The following TBC1D8 variants were observed in gnomAD, a reference collection of about 807,000 sequenced individuals.
The protein encoded by TBC1D8 is BUB2-like protein 1.
A neutral mutation model predicts 118.8 loss-of-function variants in TBC1D8; 65 were observed. That is an observed-to-expected ratio of 0.55 (90% CI 0.45 to 0.67). The LOEUF is 0.67. Among genes scored for constraint, TBC1D8 ranks in the 30% least tolerant of loss-of-function variants. The pLI is 0.00. For synonymous variants in TBC1D8, 566 were observed against 595.8 expected (o/e 0.95, Z 0.73); for missense variants, 1,376 against 1,471.2 (o/e 0.94, Z 1.06).
intron 1 of TBC1D8, among the ~76,000 whole-genome samples, chr2:101,145,291 A>G (rs960716304): frequency 2.0e-5 from 3 of 152,246 alleles, no homozygotes; most frequent in East Asian, 1.9e-4. Flanking sequence ...CCCTAAAGAT[A>G]TATCAGTTAT....
intron 9 of TBC1D8, among the ~76,000 whole-genome samples, chr2:101,034,451 G>A (rs1396230241): frequency 6.6e-6 from 1 of 152,210 alleles, no homozygotes; most frequent in Non-Finnish European, 1.5e-5. Context: ...GCGCCCACAT[G>A]CAACTCTGAA....
At chr2:101,121,421 G>A (rs879351850) in intron 1 of TBC1D8, among the ~76,000 whole-genome samples, 2 of 152,220 alleles carry the variant, frequency 1.3e-5, no homozygotes, top group African/African-American at 2.4e-5. Flanking sequence ...GGGAGGCTCT[G>A]TAGCTGCTAC....
chr2:101,124,137 T>C (rs1678249950), intron 1 of TBC1D8, among the ~76,000 whole-genome samples: 1 of 152,062 alleles, frequency 6.6e-6, no homozygotes, highest in Admixed American at 6.6e-5. Flanking sequence ...AGCACTTCCC[T>C]CCCACTGCCA....
intron 1 of TBC1D8, among the ~76,000 whole-genome samples, chr2:101,133,758 T>C (rs1678703334): frequency 6.6e-6 from 1 of 152,132 alleles, no homozygotes; most frequent in Non-Finnish European, 1.5e-5. Context: ...CTGCTATTAA[T>C]ATAAAGAACT....
chr2:101,143,417 A>G (rs7604060), intron 1 of TBC1D8, among the ~76,000 whole-genome samples: 1,538 of 152,342 alleles, frequency 0.01, 23 homozygotes, highest in African/African-American at 0.034. Flanking sequence ...AAAATCCAGT[A>G]GAATGAAAGA....
intron 2 of TBC1D8, among the ~76,000 whole-genome samples, chr2:101,073,300 A>ATTTTTTTTTTTTTT (rs34252571): frequency 1.4e-5 from 2 of 143,648 alleles, no homozygotes; most frequent in African/African-American, 5.3e-5. Flanking sequence ...TATTTTATTT[A>ATTTTTTTTTTTTTT]TTTTTTTTTT....
intron 19 of TBC1D8, among the ~76,000 whole-genome samples, chr2:101,009,856 C>T (rs1228620808): frequency 6.8e-6 from 1 of 147,172 alleles, no homozygotes; most frequent in Non-Finnish European, 1.5e-5. Context: ...GAGTCTCGCT[C>T]TGTCGCCCAG....
rs1680030353 is a variant in TBC1D8 at position 101,021,584 on chromosome 2, G to A, written c.2827+97C>T. 4.6e-6 allele frequency: 4 copies of A among 874,110 alleles called. No individual in the cohort carries two copies. The South Asian group carries it at 6.7e-5, about 15-fold the overall frequency. The allele number at this position is 874,110 out of a possible 1,614,324, so 54.1% of individuals were successfully genotyped here. A position where few individuals can be genotyped will look rare whatever the true frequency, so the allele number is the denominator to read the frequency against. ...GAAACACCTGTTGCCTCAAGCATAA[G>A]TGAACTTTAAAAAGAGAAGAGCTTC... On this transcript the variant is annotated intron_variant, in intron 17 of 19. Coordinates refer to ENST00000409318, the MANE Select transcript of TBC1D8 (RefSeq NM_001330348.2).
intron 1 of TBC1D8, among the ~76,000 whole-genome samples, chr2:101,118,492 C>G (rs567139871): frequency 1.9e-4 from 28 of 149,820 alleles, no homozygotes; most frequent in South Asian, 4.2e-4. Flanking sequence ...GTCAGGAGAT[C>G]GAGACCATCC....
intron 1 of TBC1D8, among the ~76,000 whole-genome samples, chr2:101,143,708 C>T (rs150598492): frequency 5.8e-4 from 89 of 152,252 alleles, no homozygotes; most frequent in African/African-American, 1.6e-3. Flanking sequence ...TACAGGCACA[C>T]GCCACCATGC....
At chr2:101,091,710 G>A (rs576453437) in intron 1 of TBC1D8, among the ~76,000 whole-genome samples, 3 of 152,112 alleles carry the variant, frequency 2.0e-5, no homozygotes, top group Non-Finnish European at 2.9e-5. Context: ...GGGAGACAGA[G>A]CAGGACCTCA....
rs1242227436 is a variant in TBC1D8, at chr2:101,007,284, T to G, written c.*537A>C. The G allele has an allele frequency of 1.3e-5, 2 of 152,534 alleles. No individual in the cohort carries two copies. The highest frequency in any genetic ancestry group is 2.9e-5 in the Non-Finnish European group (2 of 68,312). 9.4% of individuals were successfully genotyped at this position (152,534 alleles called of 1,614,324 possible). On this transcript the variant is annotated 3_prime_UTR_variant, in exon 20 of 20. Transcript: ENST00000409318. ...GGAAGCCAACATTGAAAGCATGGTT[T>G]GTACACAACAACATTTTTGGAAGGA... is the stretch of plus-strand genomic sequence containing the variant.
chr2:101,031,934 G>A (rs1680695177), intron 11 of TBC1D8, among the ~76,000 whole-genome samples: 2 of 151,710 alleles, frequency 1.3e-5, no homozygotes, highest in Admixed American at 6.6e-5. Context: ...AAACCACCCT[G>A]GTTTTCACTT....
At chr2:101,101,554 C>T (rs555429742) in intron 1 of TBC1D8, among the ~76,000 whole-genome samples, 1 of 152,158 alleles carries the variant, frequency 6.6e-6, no homozygotes, top group South Asian at 2.1e-4. Context: ...TGGGTATATA[C>T]CCAAAGGAAT....
chr2:101,110,095 G>T (rs1677500103), intron 1 of TBC1D8: 5 of 876,204 alleles, frequency 5.7e-6, no homozygotes, highest in Non-Finnish European at 6.8e-6. Flanking sequence ...CAAGTGACAA[G>T]TTTTATAATT....
intron 1 of TBC1D8, among the ~76,000 whole-genome samples, chr2:101,110,714 CAT>C: frequency 6.6e-6 from 1 of 152,268 alleles, no homozygotes; most frequent in East Asian, 1.9e-4. Context: ...CGGTGTCTCA[CAT>C]CTGTAATCCC....
intron 3 of TBC1D8, among the ~76,000 whole-genome samples, chr2:101,057,705 C>G (rs1011737422): frequency 6.6e-6 from 1 of 152,066 alleles, no homozygotes; most frequent in Non-Finnish European, 1.5e-5. Context: ...GTGCTTGCAG[C>G]CCCAGCTACA....
At chr2:101,143,077 T>TTC (rs397945144) in intron 1 of TBC1D8, among the ~76,000 whole-genome samples, 6 of 151,230 alleles carry the variant, frequency 4.0e-5, no homozygotes, top group Admixed American at 2.6e-4. Flanking sequence ...TTTTTTTTTT[T>TTC]CTTGAGACAG....
At chr2:101,099,813 C>A (rs999431168) in intron 1 of TBC1D8, among the ~76,000 whole-genome samples, 5 of 152,084 alleles carry the variant, frequency 3.3e-5, no homozygotes, top group African/African-American at 7.3e-5. Context: ...ATTCAACATC[C>A]CTTCATGTTA....
Sources: gnomAD v4.1 joint callset for allele counts (sites outside exome capture counted in the v4.1 genomes callset) on GRCh38, gnomAD v4.1.1 for gene constraint, MANE v1.5 for transcripts, NCBI Gene and HGNC (gene_info 2026-07-23, HGNC 2026-07-21) for gene names.